TCHP: variants seen among roughly 807,000 people sequenced by gnomAD.
The protein encoded by TCHP is trichoplein keratin filament binding, also known as trichoplein keratin filament-binding protein.
TCHP carries 81 observed loss-of-function variants against 88.7 expected under a neutral mutation model. That is an observed-to-expected ratio of 0.91 (90% confidence interval 0.76 to 1.10). The LOEUF is 1.10. TCHP is among the 50% of genes least tolerant of loss of function. TCHP has a pLI of 0.00. For missense variants in TCHP, 641 were observed against 632.1 expected (o/e 1.01, Z -0.15); for synonymous variants, 232 against 232.5 (o/e 1.00, Z 0.02).
chr12:109,904,987 A>G (rs987584862), intron 4 of TCHP, 194 bp downstream of exon 4: 2 of 582,654 alleles, frequency 3.4e-6, no homozygotes, highest in Admixed American at 3.2e-5. Flanking sequence ...ACAAATGTTG[A>G]TTGAACCTCC....
At chr12:109,914,415 C>T in intron 10 of TCHP, 27 bp from the exon 11 acceptor site, 1 of 1,592,552 alleles carries the variant, frequency 6.3e-7, no homozygotes. Context: ...AACCTCAAAG[C>T]TGCCCTTTTC....
chr12:109,893,444 T>C, the TCHP span, among the ~76,000 whole-genome samples: 3 of 151,724 alleles, frequency 2.0e-5, no homozygotes, highest in South Asian at 4.1e-4. Flanking sequence ...CAAGGATTGC[T>C]CTTGGGCCCA....
rs779075765 is a variant in TCHP at position 109,903,256 on chromosome 12, A to T, written c.188+42A>T. On this transcript the variant is annotated intron_variant, in intron 2 of 12. Transcript: ENST00000405876. The surrounding 1 kb of genome is among the most constrained non-coding windows in gnomAD (Gnocchi z 4.6). ...TGCCGATTGGATGGAAGTGGGGACCACTTGCTGGTCAGGGGATGAGGCCTT... is the reference window on the plus strand; with the variant it reads ...TGCCGATTGGATGGAAGTGGGGACCTCTTGCTGGTCAGGGGATGAGGCCTT... 6.4e-6 allele frequency: 10 copies of T among 1,571,688 alleles called. No homozygotes were observed. The East Asian group carries it at 2.3e-4, about 36-fold the overall frequency.
rs569186429 is a variant in TCHP at position 109,909,644 on chromosome 12, AC to A, written c.879+711del. Among the ~76,000 whole-genome samples, 99 of 152,196 alleles carry A rather than the reference AC, an allele frequency of 6.5e-4. 1 individual carries two copies. In the East Asian group the frequency reaches 0.018, roughly 28 times the overall value. ...AGGCCAGCCTGAATGACATGGTGAA[AC>A]CCCATCTCTACTAAAAATACAAAAA... On this transcript the variant is annotated intron_variant, in intron 8 of 12. Coordinates refer to ENST00000405876, the MANE Select transcript of TCHP (RefSeq NM_001143852.2).
chr12:109,890,949 G>A, the TCHP span, among the ~76,000 whole-genome samples: 1 of 152,220 alleles, frequency 6.6e-6, no homozygotes, highest in African/African-American at 2.4e-5. Context: ...AATGAATCAT[G>A]TATGAATCTG....
At chr12:109,881,948 T>C in the TCHP span, among the ~76,000 whole-genome samples, 2 of 127,984 alleles carry the variant, frequency 1.6e-5, no homozygotes, top group South Asian at 5.6e-4. Context: ...TGTCATGCAC[T>C]GCACTGGGCA....
rs1157757465 is a variant in TCHP at position 109,905,860 on chromosome 12, G to A, written c.457-712G>A. On this transcript the variant is annotated intron_variant, in intron 4 of 12. Transcript: ENST00000405876. This position sits in a 1 kb window ranked among gnomAD's most constrained non-coding sequence, Gnocchi z 4.0. ...GCCTATGTTCACAGCTGTAAGTTGG[G>A]AAAGATTATTTTAAAACTTTTTTAT... Among the ~76,000 whole-genome samples the A allele has an allele frequency of 2.0e-5, 3 of 152,156 alleles. No homozygotes were observed. The highest frequency in any genetic ancestry group is 7.2e-5 in the African/African-American group (3 of 41,440).
rs555933391 is a variant in TCHP at position 109,916,555 on chromosome 12, G to C, written c.1465-36G>C. 15 of 1,605,402 alleles carry C rather than the reference G, an allele frequency of 9.3e-6. No homozygotes were observed. The South Asian group carries it at 1.5e-4, about 16-fold the overall frequency. ...AATTCCTCATGCTGCAGATACTGCT[G>C]ATCTGATCACTCTTATGTTTTCTTT... is the stretch of plus-strand genomic sequence containing the variant. On this transcript the variant is annotated intron_variant, in intron 12 of 12. Transcript: ENST00000405876.
rs112230667 is a variant in TCHP, at chr12:109,912,967, G to T, written c.1053-24G>T. The T allele has an allele frequency of 2.5e-6, 4 of 1,608,996 alleles. No individual in the cohort carries two copies. The South Asian group carries it at 4.4e-5, about 18-fold the overall frequency. ...CTGCCAGGGCGGGGAGGAGCCTGCTGTCATCCCTTTTGTGTTTGCCCAGGG... is the reference window on the plus strand; with the variant it reads ...CTGCCAGGGCGGGGAGGAGCCTGCTTTCATCCCTTTTGTGTTTGCCCAGGG... On this transcript the variant is annotated intron_variant, in intron 9 of 12. Coordinates refer to ENST00000405876, the MANE Select transcript of TCHP (RefSeq NM_001143852.2).
At chr12:109,911,355 T>C (rs1040471485) in intron 9 of TCHP, 120 bp downstream of exon 9, 4 of 568,914 alleles carry the variant, frequency 7.0e-6, no homozygotes, top group Non-Finnish European at 1.2e-5. Context: ...CTCACACCTG[T>C]AATCCTAGCA....
chr12:109,906,789 T>G (rs1870156439), intron 5 of TCHP, 149 bp downstream of exon 5: 1 of 661,526 alleles, frequency 1.5e-6, no homozygotes, highest in South Asian at 1.9e-5. Context: ...ATGTGAAAAC[T>G]GAATGTTTGC....
chr12:109,889,346 G>A, the TCHP span, among the ~76,000 whole-genome samples: 2 of 152,148 alleles, frequency 1.3e-5, no homozygotes, highest in Admixed American at 6.5e-5. Context: ...GGTGGCGGGC[G>A]CCTGTAGTCC....
Position 109,905,159 on chromosome 12 carries a change from G to A in TCHP, c.456+366G>A. 1 of 255,508 alleles carries A rather than the reference G, an allele frequency of 3.9e-6. No individual in the cohort carries two copies. The allele number at this position is 255,508 out of a possible 1,614,324, so 15.8% of individuals were successfully genotyped here. A position where few individuals can be genotyped will look rare whatever the true frequency, so the allele number is the denominator to read the frequency against. On this transcript the variant is annotated intron_variant, in intron 4 of 12. Coordinates refer to ENST00000405876, the MANE Select transcript of TCHP (RefSeq NM_001143852.2). This position sits in a 1 kb window ranked among gnomAD's most constrained non-coding sequence, Gnocchi z 4.0. ...CACTCAACTCTGGAGGGGTTGGGGAGGCTTCCCAGAGGAGTTCCTGGGGTG... is the reference window on the plus strand; with the variant it reads ...CACTCAACTCTGGAGGGGTTGGGGAAGCTTCCCAGAGGAGTTCCTGGGGTG...
chr12:109,912,376 A>G (rs1019911506), intron 9 of TCHP, among the ~76,000 whole-genome samples: 7 of 152,210 alleles, frequency 4.6e-5, no homozygotes, highest in African/African-American at 1.7e-4. Context: ...GTTCAGGCAC[A>G]GGCAGCGCCC....
upstream of TCHP, among the ~76,000 whole-genome samples, chr12:109,899,860 A>G (rs902077067): frequency 2.0e-5 from 3 of 151,872 alleles, no homozygotes; most frequent in African/African-American, 7.3e-5. Flanking sequence ...GTGCAGTGGC[A>G]CAGTCATGGC....
At chr12:109,882,100 A>C in the TCHP span, among the ~76,000 whole-genome samples, 11 of 152,222 alleles carry the variant, frequency 7.2e-5, no homozygotes, top group Admixed American at 5.9e-4. Context: ...AAAACAGTGT[A>C]GTGACGGAGG....
intron 8 of TCHP, 128 bp from the exon 9 acceptor site, chr12:109,910,935 C>A: frequency 7.4e-7 from 1 of 1,345,122 alleles, no homozygotes; most frequent in Non-Finnish European, 9.7e-7. Flanking sequence ...CCATCTCTGT[C>A]TTGAGAACAC....
Position 109,906,581 on chromosome 12 carries a change from G to T in TCHP, c.466G>T (p.Asp156Tyr). 1 of 1,612,966 alleles carries T rather than the reference G, an allele frequency of 6.2e-7. No individual in the cohort carries two copies. The highest frequency in any genetic ancestry group is 1.1e-5 in the South Asian group (1 of 91,058). ...CCCCTTCCATCCTCAGATGGAGCTGGACCTTCACCAGAAGCATGTCGTAAA... is the reference window on the plus strand; with the variant it reads ...CCCCTTCCATCCTCAGATGGAGCTGTACCTTCACCAGAAGCATGTCGTAAA... ...NNPKLREMEL[D>Y]LHQKHVVNSW... Residue 156 changes from aspartate (D) to tyrosine (Y), a missense_variant, in exon 5 of 13, where the codon GAC (aspartate) becomes TAC (tyrosine). Transcript: ENST00000405876.
Position 109,916,759 on chromosome 12 carries a change from T to C in TCHP, c.*136T>C. 1 of 766,772 alleles carries C rather than the reference T, an allele frequency of 1.3e-6. No homozygotes were observed. Among genetic ancestry groups the C allele is most frequent in the Non-Finnish European group, 2.1e-6 (1 of 468,528 alleles). The allele number at this position is 766,772 out of a possible 1,614,324, so 47.5% of individuals were successfully genotyped here. A position where few individuals can be genotyped will look rare whatever the true frequency, so the allele number is the denominator to read the frequency against. On this transcript the variant is annotated 3_prime_UTR_variant, in exon 13 of 13. Coordinates refer to ENST00000405876, the MANE Select transcript of TCHP (RefSeq NM_001143852.2). ...ATGGCTCAGCAGTGCCTGCTCAGGT[T>C]CATCATTGAAACATCCCAGTGTTTG...
Sources: gnomAD v4.1 joint callset for allele counts (sites outside exome capture counted in the v4.1 genomes callset) on GRCh38, gnomAD v4.1.1 for gene constraint, Gnocchi (gnomAD v3.1) non-coding constraint, MANE v1.5 for transcripts, NCBI Gene and HGNC (gene_info 2026-07-23, HGNC 2026-07-21) for gene names.